ARID2: variants seen among roughly 807,000 people sequenced by gnomAD.
ARID2 encodes AT-rich interactive domain-containing protein 2.
In ARID2, 32 loss-of-function variants were observed where a neutral mutation model predicts 184.6. That is an observed-to-expected ratio of 0.17 (90% CI 0.13 to 0.23). The LOEUF is 0.23. Ranked by LOEUF, ARID2 falls within the 10% of genes least tolerant of loss-of-function variation. The probability of loss-of-function intolerance (pLI) is 1.00; values close to 1 mark genes in which losing one functional copy is unlikely to be tolerated. For missense variants in ARID2, 1,696 were observed against 2,197.6 expected (o/e 0.77, Z 4.56); for synonymous variants, 836 against 772.6 (o/e 1.08, Z -1.36).
At position 45,866,065 on chromosome 12, in the gene ARID2, A is replaced by G. The variant is rs565170170; in HGVS notation, c.4922+5116A>G. Among the ~76,000 whole-genome samples, 116 of 152,216 alleles carry G rather than the reference A, an allele frequency of 7.6e-4. 4 individuals carry two copies. In the South Asian group the frequency reaches 0.022, roughly 29 times the overall value. On this transcript the variant is annotated intron_variant, in intron 16 of 20. Coordinates refer to ENST00000334344, the MANE Select transcript of ARID2 (RefSeq NM_152641.4). The stretch of plus-strand genomic sequence containing the variant: ...CAGCTATACTATATTGTACATGAAA[A>G]GTATACATGTATACTTTGTTTCTTA...
intron 16 of ARID2, among the ~76,000 whole-genome samples, chr12:45,874,765 A>G (rs1168289187): frequency 6.6e-6 from 1 of 152,214 alleles, no homozygotes; most frequent in East Asian, 1.9e-4. Context: ...AAGATTTTCA[A>G]TTTACTTTGC....
intron 3 of ARID2, among the ~76,000 whole-genome samples, chr12:45,745,916 T>C (rs1028639437): frequency 6.6e-6 from 1 of 152,150 alleles, no homozygotes; most frequent in Non-Finnish European, 1.5e-5. Context: ...ACTGCAAATA[T>C]TCTTTATATT....
intron 16 of ARID2, among the ~76,000 whole-genome samples, chr12:45,872,169 T>A (rs187902096): frequency 3.3e-5 from 5 of 152,194 alleles, no homozygotes; most frequent in Non-Finnish European, 5.9e-5. Flanking sequence ...CTGCTTTGGG[T>A]TTAATGTGCT....
chr12:45,752,598 C>G (rs989528159), intron 3 of ARID2, among the ~76,000 whole-genome samples: 1 of 152,120 alleles, frequency 6.6e-6, no homozygotes, highest in South Asian at 2.1e-4. Flanking sequence ...CATAGCTCAC[C>G]GTAGCCTTGA....
At chr12:45,803,890 A>T (rs1324088320) in intron 3 of ARID2, among the ~76,000 whole-genome samples, 1 of 152,188 alleles carries the variant, frequency 6.6e-6, no homozygotes, top group Non-Finnish European at 1.5e-5. Flanking sequence ...GTAAATAGAA[A>T]ATAACGAATG....
intron 3 of ARID2, among the ~76,000 whole-genome samples, chr12:45,755,725 CTT>C (rs1407690161): frequency 6.6e-6 from 1 of 151,274 alleles, no homozygotes. Flanking sequence ...TCTGAGCTCA[CTT>C]TTTTTTTAAA....
At chr12:45,902,770 CCTG>C (rs1488970666) in intron 20 of ARID2, among the ~76,000 whole-genome samples, 1 of 151,974 alleles carries the variant, frequency 6.6e-6, no homozygotes, top group East Asian at 1.9e-4. Context: ...GTCTCGAACT[CCTG>C]ACCTCGTGAT....
chr12:45,777,279 A>C (rs1010161031), intron 3 of ARID2, among the ~76,000 whole-genome samples: 2 of 152,154 alleles, frequency 1.3e-5, no homozygotes, highest in Non-Finnish European at 2.9e-5. Flanking sequence ...TCTTTTAAAT[A>C]GTGGTAGAAA....
chr12:45,860,649 A>T (rs1311448595), intron 15 of ARID2, 152 bp from the exon 16 acceptor site: 1 of 627,454 alleles, frequency 1.6e-6, no homozygotes, highest in African/African-American at 1.9e-5. Context: ...TAATTTTTAA[A>T]GATTTTAAAG....
intron 3 of ARID2, among the ~76,000 whole-genome samples, chr12:45,808,961 T>C (rs894330397): frequency 6.6e-6 from 1 of 152,078 alleles, no homozygotes; most frequent in African/African-American, 2.4e-5. Flanking sequence ...AGATGGCGTT[T>C]TGCTGTGTTG....
rs553146404 is a variant in ARID2 at position 45,869,548 on chromosome 12, G to A, written c.4922+8599G>A. Among the ~76,000 whole-genome samples the A allele has an allele frequency of 3.9e-5, 6 of 152,022 alleles. No homozygotes were observed. The South Asian group carries it at 6.2e-4, about 16-fold the overall frequency. ...CTTCCATTATATTTTTCAACTGATA[G>A]GTGTTTTCTATATTTATACTTCATA... is the stretch of plus-strand genomic sequence containing the variant. On this transcript the variant is annotated intron_variant, in intron 16 of 20. Transcript: ENST00000334344.
intron 3 of ARID2, among the ~76,000 whole-genome samples, chr12:45,769,982 C>T (rs1248311505): frequency 1.3e-5 from 2 of 152,096 alleles, no homozygotes; most frequent in Admixed American, 6.5e-5. Flanking sequence ...AGGCCGGGCG[C>T]GGTGGCTCAC....
At chr12:45,738,933 C>A (rs531458991) in intron 3 of ARID2, among the ~76,000 whole-genome samples, 3 of 151,662 alleles carry the variant, frequency 2.0e-5, no homozygotes, top group Non-Finnish European at 4.4e-5. Context: ...CATTCCCTTC[C>A]CTGCTGATAG....
At chr12:45,797,681 C>T (rs1056610361) in intron 3 of ARID2, among the ~76,000 whole-genome samples, 5 of 151,828 alleles carry the variant, frequency 3.3e-5, no homozygotes, top group Non-Finnish European at 7.4e-5. Context: ...AAATTTCTTA[C>T]TCACCTGGAA....
At chr12:45,890,058 C>T (rs1396618312) in intron 16 of ARID2, among the ~76,000 whole-genome samples, 1 of 152,108 alleles carries the variant, frequency 6.6e-6, no homozygotes, top group African/African-American at 2.4e-5. Flanking sequence ...TACCTTGAAC[C>T]ACCACAACAA....
chr12:45,730,539 GAC>G (rs1940969115), intron 2 of ARID2, among the ~76,000 whole-genome samples: 2 of 151,930 alleles, frequency 1.3e-5, no homozygotes, highest in South Asian at 2.1e-4. Flanking sequence ...CACAGGCGGA[GAC>G]ACACAGAGAC....
At chr12:45,892,540 T>G (rs2138233976) in intron 18 of ARID2, among the ~76,000 whole-genome samples, 1 of 152,328 alleles carries the variant, frequency 6.6e-6, no homozygotes, top group African/African-American at 2.4e-5. Flanking sequence ...AAGATTGTTT[T>G]CAGGTTATCT....
At chr12:45,769,696 A>T in intron 3 of ARID2, among the ~76,000 whole-genome samples, 1 of 152,206 alleles carries the variant, frequency 6.6e-6, no homozygotes, top group Non-Finnish European at 1.5e-5. Flanking sequence ...TATGTCTTGG[A>T]CCCTCAGTGA....
intron 3 of ARID2, among the ~76,000 whole-genome samples, chr12:45,794,242 A>G (rs1032712675): frequency 1.6e-4 from 25 of 152,242 alleles, no homozygotes; most frequent in African/African-American, 5.8e-4. Context: ...TTGAGGTGCA[A>G]CAGCAAGACT....
Sources: gnomAD v4.1 joint callset for allele counts (sites outside exome capture counted in the v4.1 genomes callset) on GRCh38, gnomAD v4.1.1 for gene constraint, MANE v1.5 for transcripts, NCBI Gene and HGNC (gene_info 2026-07-23, HGNC 2026-07-21) for gene names.